Variants in LNPEP observed in about 807,000 individuals in gnomAD.
LNPEP encodes the protein leucyl and cystinyl aminopeptidase.
A neutral mutation model predicts 120.6 loss-of-function variants in LNPEP; 64 were observed. That is an observed-to-expected ratio of 0.53 (90% confidence interval 0.43 to 0.65). LNPEP has a LOEUF of 0.65. Among genes scored for constraint, LNPEP ranks in the 30% least tolerant of loss-of-function variants. LNPEP has a pLI of 0.00. For missense variants in LNPEP, 1,057 were observed against 1,200.0 expected (o/e 0.88, Z 1.76); for synonymous variants, 435 against 425.4 (o/e 1.02, Z -0.28).
chr5:96,936,298 T>G, intron 1 of LNPEP, 124 bp downstream of exon 1: 1 of 607,818 alleles, frequency 1.6e-6, no homozygotes, highest in South Asian at 4.9e-5. Flanking sequence ...CCACGAGGGC[T>G]GAGGGAGGCA....
chr5:96,970,581 G>GT (rs1324566378), intron 1 of LNPEP, among the ~76,000 whole-genome samples: 1 of 150,642 alleles, frequency 6.6e-6, no homozygotes, highest in East Asian at 2.0e-4. Flanking sequence ...TGTTCCTTTT[G>GT]TTTTTGTTTA....
intron 1 of LNPEP, among the ~76,000 whole-genome samples, chr5:96,966,701 G>C (rs1485487916): frequency 6.6e-6 from 1 of 151,954 alleles, no homozygotes; most frequent in Non-Finnish European, 1.5e-5. Flanking sequence ...AGATAAGTGG[G>C]TCACAACACT....
intron 1 of LNPEP, among the ~76,000 whole-genome samples, chr5:96,963,985 A>T (rs1256590776): frequency 6.6e-6 from 1 of 152,064 alleles, no homozygotes; most frequent in Non-Finnish European, 1.5e-5. Context: ...GAACACCAGA[A>T]TCTCTTCCAC....
intron 9 of LNPEP, among the ~76,000 whole-genome samples, chr5:97,004,642 G>A (rs762284689): frequency 2.0e-5 from 3 of 152,106 alleles, no homozygotes; most frequent in South Asian, 4.1e-4. Flanking sequence ...TTGACTCTAG[G>A]TTAGGAACCC....
At chr5:96,956,987 A>G (rs1026959175) in intron 1 of LNPEP, among the ~76,000 whole-genome samples, 67 of 151,844 alleles carry the variant, frequency 4.4e-4, no homozygotes, top group Non-Finnish European at 1.6e-4. Context: ...TTATTTTGGT[A>G]CTTTTTATAG....
At position 96,936,164 on chromosome 5, in the gene LNPEP, C is replaced by T. The variant is rs765013276; in HGVS notation, c.9C>T (p.Pro3=). ME[P]FTNDRLQLPR... is the part of the protein sequence containing the mutation. ...GCCGCGGCGGGGGGAAAATGGAGCC[C>T]TTCACCAATGGTGAGTGGGCTGCCG... Residue 3 remains proline (P), a synonymous_variant, in exon 1 of 18, where the codon CCC becomes CCT. Transcript: ENST00000231368. 1.1e-5 allele frequency: 17 copies of T among 1,493,496 alleles called. No individual in the cohort carries two copies. The South Asian group carries it at 1.4e-4, about 12-fold the overall frequency. The allele number at this position is 1,493,496 out of a possible 1,614,324, so 92.5% of individuals were successfully genotyped here.
At chr5:96,992,233 A>T (rs1006849770) in intron 4 of LNPEP, among the ~76,000 whole-genome samples, 1 of 152,084 alleles carries the variant, frequency 6.6e-6, no homozygotes, top group Non-Finnish European at 1.5e-5. Flanking sequence ...CTTAGTATGT[A>T]CCCGGGAGTG....
At chr5:96,950,626 G>A (rs945961776) in intron 1 of LNPEP, among the ~76,000 whole-genome samples, 3 of 152,182 alleles carry the variant, frequency 2.0e-5, no homozygotes, top group Admixed American at 6.5e-5. Context: ...GTTGCAGTAT[G>A]AGCTGAGGTA....
chr5:96,983,146 G>A (rs1790165195), intron 2 of LNPEP, among the ~76,000 whole-genome samples: 2 of 152,324 alleles, frequency 1.3e-5, no homozygotes, highest in South Asian at 2.1e-4. Context: ...CATGTGGTTA[G>A]TAAATTATAG....
chr5:97,008,063 G>T (rs1364216698), intron 11 of LNPEP, among the ~76,000 whole-genome samples: 4 of 152,230 alleles, frequency 2.6e-5, no homozygotes, highest in Admixed American at 6.5e-5. Context: ...ACAAGGAATT[G>T]CTACTGTCTT....
At chr5:96,945,828 A>T (rs1228505621) in intron 1 of LNPEP, among the ~76,000 whole-genome samples, 1 of 152,218 alleles carries the variant, frequency 6.6e-6, no homozygotes, top group Non-Finnish European at 1.5e-5. Context: ...TGGTTTACAA[A>T]ATCATTCCAA....
intron 13 of LNPEP, among the ~76,000 whole-genome samples, chr5:97,021,923 GTTTTTTTTTT>G (rs1165456605): frequency 1.7e-5 from 1 of 57,170 alleles, no homozygotes; most frequent in African/African-American, 7.7e-5. Context: ...TTTGTCTTTT[GTTTTTTTTTT>G]TTTTTTTTTT....
chr5:96,981,315 A>G (rs1790118553), intron 2 of LNPEP, among the ~76,000 whole-genome samples: 2 of 152,176 alleles, frequency 1.3e-5, no homozygotes, highest in South Asian at 4.1e-4. Context: ...TGGAATCAAG[A>G]TATACTATCA....
chr5:96,983,833 C>T (rs564169170), intron 2 of LNPEP, among the ~76,000 whole-genome samples: 5 of 152,006 alleles, frequency 3.3e-5, no homozygotes, highest in Admixed American at 6.6e-5. Flanking sequence ...ATCTCTGAGG[C>T]GAGTAAAGGA....
intron 1 of LNPEP, among the ~76,000 whole-genome samples, chr5:96,977,248 AC>A (rs1327656112): frequency 3.9e-5 from 6 of 152,236 alleles, no homozygotes; most frequent in Middle Eastern, 3.4e-3. Flanking sequence ...AAACAAAAAA[AC>A]ATAACTTTTC....
In LNPEP at chr5:97,033,892, C is replaced by T. The variant is rs982892904; in HGVS notation, c.*5359C>T. The T allele has an allele frequency of 6.6e-6, 1 of 151,958 alleles. No homozygotes were observed. Among genetic ancestry groups the T allele is most frequent in the African/African-American group, 2.4e-5 (1 of 41,340 alleles). The allele number at this position is 151,958 out of a possible 1,614,324, so 9.4% of individuals were successfully genotyped here. A position where few individuals can be genotyped will look rare whatever the true frequency, so the allele number is the denominator to read the frequency against. ...GTATAACAATCTGTTCTCCCTTTAC[C>T]CTTTTAATGTATATGGGCAATAATT... On this transcript the variant is annotated 3_prime_UTR_variant, in exon 18 of 18. Transcript: ENST00000231368.
Position 97,014,116 on chromosome 5 carries a change from CTATTT to C in LNPEP, c.2219+294_2219+298del, listed in dbSNP as rs537964197. Among the ~76,000 whole-genome samples the C allele has an allele frequency of 3.4e-3, 519 of 152,196 alleles. 1 individual carries two copies. Among genetic ancestry groups the C allele is most frequent in the Admixed American group, 7.0e-3 (107 of 15,284 alleles). On this transcript the variant is annotated intron_variant, in intron 12 of 17. Coordinates refer to ENST00000231368, the MANE Select transcript of LNPEP (RefSeq NM_005575.3). ...TAAACTTGATACACGAGTTCAAGCT[CTATTT>C]TATTTTATAAGAGAATTATTTTCAA...
chr5:97,022,387 G>T lies in LNPEP; in HGVS notation c.2464G>T (p.Ala822Ser). ...GTPSMRELRSALLEFACTHNL... is the reference protein window; with the variant it reads ...GTPSMRELRSSLLEFACTHNL... ...TCCATCTATGCGAGAGCTTCGGTCA[G>T]CCCTGCTAGAGTTTGCTTGCACCCA... Residue 822 changes from alanine to serine, a missense_variant, in exon 14 of 18, where the codon GCC (alanine) becomes TCC (serine). Coordinates refer to ENST00000231368, the MANE Select transcript of LNPEP (RefSeq NM_005575.3). The T allele has an allele frequency of 6.2e-7, 1 of 1,613,920 alleles. No individual in the cohort carries two copies. The highest frequency in any genetic ancestry group is 8.5e-7 in the Non-Finnish European group (1 of 1,179,834).
At chr5:96,955,385 T>C (rs953764898) in intron 1 of LNPEP, among the ~76,000 whole-genome samples, 1 of 151,974 alleles carries the variant, frequency 6.6e-6, no homozygotes, top group Non-Finnish European at 1.5e-5. Context: ...GAGGCCAAGG[T>C]GGGCAGATCA....
Sources: allele counts gnomAD v4.1 joint callset (sites outside exome capture counted in the v4.1 genomes callset), GRCh38; gene constraint gnomAD v4.1.1; transcripts MANE v1.5; gene names NCBI Gene and HGNC (gene_info 2026-07-23, HGNC 2026-07-21).